FMN2: variants seen among roughly 807,000 people sequenced by gnomAD.
The protein encoded by FMN2 is formin-2.
FMN2 carries 51 observed loss-of-function variants against 142.3 expected under a neutral mutation model. The ratio of observed to expected loss-of-function variants is 0.36; its 90% CI spans 0.29 to 0.45. The LOEUF (loss-of-function observed/expected upper bound fraction) is 0.45. Ranked by LOEUF, FMN2 falls within the 20% of genes least tolerant of loss-of-function variation. The pLI, the probability that FMN2 is intolerant of heterozygous loss-of-function variation, is 1.00. For missense variants in FMN2, 1,936 were observed against 2,122.8 expected (o/e 0.91, Z 1.73); for synonymous variants, 882 against 869.8 (o/e 1.01, Z -0.25).
chr1:240,444,549 T>C (rs76126161), intron 16 of FMN2, among the ~76,000 whole-genome samples: 1 of 93,670 alleles, frequency 1.1e-5, no homozygotes, highest in African/African-American at 6.7e-5. Flanking sequence ...TACTGGTTTA[T>C]TTTACTTTGA....
intron 7 of FMN2, among the ~76,000 whole-genome samples, chr1:240,270,736 G>C (rs1439692179): frequency 6.6e-6 from 1 of 152,014 alleles, no homozygotes; most frequent in African/African-American, 2.4e-5. Context: ...ATAAGCCAGG[G>C]ACAGAGAGAC....
chr1:240,225,984 A>G (rs1215727111), intron 6 of FMN2, among the ~76,000 whole-genome samples: 13 of 152,182 alleles, frequency 8.5e-5, no homozygotes, highest in Non-Finnish European at 1.8e-4. Flanking sequence ...ACATAGATCA[A>G]TAGAGATGGC....
At chr1:240,136,794 C>T (rs1480278344) in intron 2 of FMN2, among the ~76,000 whole-genome samples, 1 of 152,016 alleles carries the variant, frequency 6.6e-6, no homozygotes, top group Non-Finnish European at 1.5e-5. Flanking sequence ...GGAATCTGGC[C>T]TGGTGCGGTG....
At position 240,290,784 on chromosome 1, in the gene FMN2, T is replaced by C. The variant is rs1471079913; in HGVS notation, c.4154-4038T>C. Among the ~76,000 whole-genome samples the C allele has an allele frequency of 5.0e-4, 52 of 103,300 alleles. No individual in the cohort carries two copies. The Admixed American group carries it at 5.5e-3, about 11-fold the overall frequency. The allele number at this position is 103,300 out of a possible 152,430, so 67.8% of individuals were successfully genotyped here. A position where few individuals can be genotyped will look rare whatever the true frequency, so the allele number is the denominator to read the frequency against. Reference sequence around the variant, plus strand: ...GGAGTGATGTCTGTTTGTTTGGTTTTTTTTTTTTGTTTTTTTTTTTTTTTG... The same window carrying C: ...GGAGTGATGTCTGTTTGTTTGGTTTCTTTTTTTTGTTTTTTTTTTTTTTTG... On this transcript the variant is annotated intron_variant, in intron 7 of 17. Coordinates refer to ENST00000319653, the MANE Select transcript of FMN2 (RefSeq NM_020066.5).
chr1:240,345,283 CTT>C (rs1376190723), intron 13 of FMN2, among the ~76,000 whole-genome samples: 5 of 152,148 alleles, frequency 3.3e-5, no homozygotes, highest in African/African-American at 1.2e-4. Flanking sequence ...ATGTCAATAA[CTT>C]TTCAAATCAT....
chr1:240,245,426 A>T (rs1035310935), intron 6 of FMN2: 1 of 447,462 alleles, frequency 2.2e-6, no homozygotes, highest in Non-Finnish European at 4.6e-6. Flanking sequence ...ACAAGGAAGC[A>T]TCAGTGGAAC....
chr1:240,120,117 G>C (rs1362569112), intron 1 of FMN2, among the ~76,000 whole-genome samples: 2 of 152,194 alleles, frequency 1.3e-5, no homozygotes, highest in African/African-American at 2.4e-5. Flanking sequence ...CTTGTGTCCT[G>C]CTTTGTCACT....
rs534995077 is a variant in FMN2 at position 240,097,357 on chromosome 1, CT to C, written c.1615+3649del. 7.3e-3 allele frequency among the ~76,000 whole-genome samples: 963 copies of C among 131,078 alleles called. 3 individuals carry two copies. Among genetic ancestry groups the C allele is most frequent in the South Asian group, 0.04 (163 of 4,074 alleles). The allele number at this position is 131,078 out of a possible 152,430, so 86.0% of individuals were successfully genotyped here. ...GCCAGCTATTTATTGTTATAGCTGC[CT>C]TTTTTTTTTTTTTTTGAGACAGAGT... On this transcript the variant is annotated intron_variant, in intron 1 of 17. Coordinates refer to ENST00000319653, the MANE Select transcript of FMN2 (RefSeq NM_020066.5).
intron 14 of FMN2, among the ~76,000 whole-genome samples, chr1:240,364,791 C>T (rs1023119030): frequency 3.3e-5 from 5 of 152,136 alleles, no homozygotes; most frequent in South Asian, 2.1e-4. Context: ...GCACCTAGTA[C>T]GTCGCAGACT....
At chr1:240,301,415 T>G (rs1016707752) in intron 8 of FMN2, among the ~76,000 whole-genome samples, 2 of 151,936 alleles carry the variant, frequency 1.3e-5, no homozygotes, top group African/African-American at 2.4e-5. Context: ...AATATAGTTT[T>G]TTTATATTTA....
chr1:240,390,288 GTTTGTC>G (rs1673560983), intron 14 of FMN2, among the ~76,000 whole-genome samples: 3 of 152,120 alleles, frequency 2.0e-5, no homozygotes, highest in Non-Finnish European at 4.4e-5. Flanking sequence ...TCTTATTCCA[GTTTGTC>G]TTTATGATTG....
At chr1:240,097,451 GT>G (rs1038253937) in intron 1 of FMN2, among the ~76,000 whole-genome samples, 1 of 151,554 alleles carries the variant, frequency 6.6e-6, no homozygotes. Context: ...CGCCTCCTGA[GT>G]TCACGCCATT....
Position 240,329,097 on chromosome 1 carries a change from G to A in FMN2, c.4237G>A (p.Glu1413Lys), listed in dbSNP as rs768348163. Residue 1413 changes from glutamate to lysine, a missense_variant, in exon 9 of 18, where the codon GAA becomes AAA. This residue lies in a region of FMN2 where 322 missense variants were observed against 401.6 expected (regional missense o/e 0.80). Coordinates refer to ENST00000319653, the MANE Select transcript of FMN2 (RefSeq NM_020066.5). ...YENRAQSDEL[E>K]KIEKHGRSSK... Reference sequence around the variant, plus strand: ...CTAGAGAGCACAGTCAGACGAACTCGAAAAAATAGAAAAGCATGGCCGATC... The same window carrying A: ...CTAGAGAGCACAGTCAGACGAACTCAAAAAAATAGAAAAGCATGGCCGATC... The A allele has an allele frequency of 2.3e-5, 37 of 1,613,878 alleles. No homozygotes were observed. The highest frequency in any genetic ancestry group is 3.0e-5 in the Non-Finnish European group (35 of 1,179,944).
chr1:240,388,117 G>T lies in FMN2; in HGVS notation c.4859-4394G>T, dbSNP rs191602368. Among the ~76,000 whole-genome samples the T allele has an allele frequency of 1.4e-4, 20 of 143,762 alleles. No individual in the cohort carries two copies. In the East Asian group the frequency reaches 4.3e-3, roughly 31 times the overall value. 94.3% of individuals were successfully genotyped at this position (143,762 alleles called of 152,430 possible). Reference sequence around the variant, plus strand: ...GGCGTGAACCCAGGAGGTGGAGCTTGCAGTGAGCTGAGAGCGGGTCACTGC... The same window carrying T: ...GGCGTGAACCCAGGAGGTGGAGCTTTCAGTGAGCTGAGAGCGGGTCACTGC... On this transcript the variant is annotated intron_variant, in intron 14 of 17. Coordinates refer to ENST00000319653, the MANE Select transcript of FMN2 (RefSeq NM_020066.5).
chr1:240,148,466 C>T (rs895873933), intron 2 of FMN2, among the ~76,000 whole-genome samples: 3 of 137,146 alleles, frequency 2.2e-5, no homozygotes, highest in Non-Finnish European at 1.6e-5. Flanking sequence ...GAGAGAGAGA[C>T]AGGGAGAGAA....
intron 7 of FMN2, among the ~76,000 whole-genome samples, chr1:240,268,227 G>C (rs1310512072): frequency 2.6e-5 from 4 of 152,084 alleles, no homozygotes; most frequent in Non-Finnish European, 5.9e-5. Context: ...GAACATGTCT[G>C]AGGCAGATTT....
chr1:240,348,223 CT>C (rs780364990), intron 13 of FMN2, among the ~76,000 whole-genome samples: 3,155 of 139,226 alleles, frequency 0.023, 52 homozygotes, highest in African/African-American at 0.056. Context: ...GTTTTTTTTA[CT>C]TTTTTTTTTT....
chr1:240,128,612 G>T (rs1433162003), intron 2 of FMN2, among the ~76,000 whole-genome samples: 3 of 152,174 alleles, frequency 2.0e-5, no homozygotes, highest in Admixed American at 2.0e-4. Flanking sequence ...ATGGGCAAGA[G>T]CTCCTTGATA....
chr1:240,329,260 CTTG>C (rs1185911358), intron 9 of FMN2, 76 bp from the exon 10 acceptor site: 94 of 1,593,012 alleles, frequency 5.9e-5, no homozygotes, highest in Admixed American at 1.7e-4. Context: ...TCAGTGCATA[CTTG>C]TTGTGAATGA....
Sources: gnomAD v4.1 joint callset for allele counts (sites outside exome capture counted in the v4.1 genomes callset) on GRCh38, gnomAD v4.1.1 for gene constraint, gnomAD v4.1.1 regional missense constraint, MANE v1.5 for transcripts, NCBI Gene and HGNC (gene_info 2026-07-23, HGNC 2026-07-21) for gene names.